Variants in KCNIP4 observed in about 807,000 individuals in gnomAD.
KCNIP4 encodes the protein potassium voltage-gated channel interacting protein 4.
Under a neutral mutation model 34.0 loss-of-function variants are expected in KCNIP4, and 12 were observed. The observed-to-expected ratio is 0.35, with a 90% CI of 0.23 to 0.57. KCNIP4 has a LOEUF of 0.57. Ranked by LOEUF, KCNIP4 falls within the 20% of genes least tolerant of loss-of-function variation. The probability of loss-of-function intolerance (pLI) is 0.83; values close to 1 mark genes in which losing one functional copy is unlikely to be tolerated. For missense variants in KCNIP4, 238 were observed against 311.7 expected, an observed-to-expected ratio of 0.76 and a Z score of 1.78; for synonymous variants, 124 against 102.2, an observed-to-expected ratio of 1.21 and a Z score of -1.29.
intron 1 of KCNIP4, among the ~76,000 whole-genome samples, chr4:20,973,977 C>T (rs77616695): frequency 0.035 from 5,314 of 152,020 alleles, 286 homozygotes; most frequent in African/African-American, 0.12. Context: ...ATAATAATAA[C>T]GAAAATGTTT....
intron 1 of KCNIP4, among the ~76,000 whole-genome samples, chr4:20,891,729 T>C (rs1343238314): frequency 1.3e-5 from 2 of 152,024 alleles, no homozygotes; most frequent in Admixed American, 6.6e-5. Flanking sequence ...GAATAGGGAG[T>C]ACATTTTTTT....
At chr4:20,952,446 T>C (rs1451606632) in intron 1 of KCNIP4, among the ~76,000 whole-genome samples, 1 of 152,200 alleles carries the variant, frequency 6.6e-6, no homozygotes, top group African/African-American at 2.4e-5. Flanking sequence ...ACCATACTTA[T>C]TCTTTCCCTC....
At position 21,066,918 on chromosome 4, in the gene KCNIP4, G is replaced by A. The variant is rs73802445; in HGVS notation, c.62-184209C>T. Reference sequence around the variant, plus strand: ...CATGTGACCTGGTGAGATACCAGCCGGGATGCATGAGGGATGCTTGCACCA... The same window carrying A: ...CATGTGACCTGGTGAGATACCAGCCAGGATGCATGAGGGATGCTTGCACCA... On this transcript the variant is annotated intron_variant, in intron 1 of 8. Coordinates refer to ENST00000382152, the MANE Select transcript of KCNIP4 (RefSeq NM_025221.6). Among the ~76,000 whole-genome samples the A allele has an allele frequency of 6.5e-3, 988 of 152,240 alleles. 6 individuals carry two copies. Among genetic ancestry groups the A allele is most frequent in the African/African-American group, 0.021 (875 of 41,558 alleles).
At chr4:21,811,968 G>A (rs1236747872) in intron 1 of KCNIP4, among the ~76,000 whole-genome samples, 1 of 152,166 alleles carries the variant, frequency 6.6e-6, no homozygotes, top group Non-Finnish European at 1.5e-5. Context: ...TGTTTGATGA[G>A]CTACACCAAT....
At chr4:21,091,512 G>A (rs946103394) in intron 1 of KCNIP4, among the ~76,000 whole-genome samples, 2 of 152,132 alleles carry the variant, frequency 1.3e-5, no homozygotes, top group African/African-American at 2.4e-5. Flanking sequence ...TCCCTTTACC[G>A]AGTGTTGTCA....
chr4:20,774,504 T>A (rs1305068048), intron 3 of KCNIP4, among the ~76,000 whole-genome samples: 1 of 151,980 alleles, frequency 6.6e-6, no homozygotes, highest in African/African-American at 2.4e-5. Context: ...TGTCAGAGAG[T>A]GTAAGAAGAA....
chr4:20,741,759 C>T (rs371622889), intron 5 of KCNIP4, among the ~76,000 whole-genome samples: 1 of 151,982 alleles, frequency 6.6e-6, no homozygotes, highest in Non-Finnish European at 1.5e-5. Flanking sequence ...AAAAACCCTT[C>T]AAAAAATCAA....
intron 1 of KCNIP4, among the ~76,000 whole-genome samples, chr4:21,651,871 A>ATG (rs1436482080): frequency 6.6e-6 from 1 of 152,150 alleles, no homozygotes; most frequent in Non-Finnish European, 1.5e-5. Context: ...ATATACATCT[A>ATG]TGTATATATA....
At position 20,940,109 on chromosome 4, in the gene KCNIP4, T is replaced by C. The variant is rs551732784; in HGVS notation, c.62-57400A>G. ...TCGCAATGATGTGCCTCTGGTTTTG[T>C]GGTGGTCTTCTCCACCTAGGATGCC... On this transcript the variant is annotated intron_variant, in intron 1 of 8. Coordinates refer to ENST00000382152, the MANE Select transcript of KCNIP4 (RefSeq NM_025221.6). 7.9e-5 allele frequency among the ~76,000 whole-genome samples: 12 copies of C among 152,304 alleles called. No individual in the cohort carries two copies. In the East Asian group the frequency reaches 2.3e-3, roughly 29 times the overall value.
intron 3 of KCNIP4, among the ~76,000 whole-genome samples, chr4:20,764,833 T>C (rs1045176283): frequency 1.3e-5 from 2 of 152,104 alleles, no homozygotes; most frequent in African/African-American, 4.8e-5. Flanking sequence ...TGCCTGTTTT[T>C]CACACAGACA....
intron 1 of KCNIP4, among the ~76,000 whole-genome samples, chr4:21,802,456 C>T (rs1721057184): frequency 6.6e-6 from 1 of 152,014 alleles, no homozygotes; most frequent in Admixed American, 6.6e-5. Context: ...GTTTGTGCCT[C>T]TAAGGTAATC....
At chr4:21,298,377 C>G (rs984808300) in intron 1 of KCNIP4, among the ~76,000 whole-genome samples, 4 of 152,114 alleles carry the variant, frequency 2.6e-5, no homozygotes, top group African/African-American at 4.8e-5. Flanking sequence ...CAAAATATTA[C>G]TCCAATATGG....
chr4:21,246,859 T>A (rs1175303033), intron 1 of KCNIP4, among the ~76,000 whole-genome samples: 1 of 152,232 alleles, frequency 6.6e-6, no homozygotes, highest in Non-Finnish European at 1.5e-5. Context: ...GTTAAAATTC[T>A]GTTCATAAGT....
intron 1 of KCNIP4, among the ~76,000 whole-genome samples, chr4:21,441,174 C>T (rs1301515903): frequency 6.7e-6 from 1 of 148,768 alleles, no homozygotes; most frequent in Non-Finnish European, 1.5e-5. Flanking sequence ...CGGAGTCTTG[C>T]TCTGTTGCCC....
At chr4:21,266,826 G>A (rs1051852427) in intron 1 of KCNIP4, among the ~76,000 whole-genome samples, 14 of 152,296 alleles carry the variant, frequency 9.2e-5, no homozygotes, top group African/African-American at 2.9e-4. Flanking sequence ...GGTTTTATAG[G>A]GGAGAGTGAT....
At chr4:20,835,847 A>C (rs1718976694) in intron 3 of KCNIP4, among the ~76,000 whole-genome samples, 1 of 152,014 alleles carries the variant, frequency 6.6e-6, no homozygotes, top group South Asian at 2.1e-4. Context: ...GAAAACTTGG[A>C]ATCATCTATA....
At chr4:21,210,009 G>A (rs571095131) in intron 1 of KCNIP4, among the ~76,000 whole-genome samples, 42 of 152,094 alleles carry the variant, frequency 2.8e-4, no homozygotes, top group Admixed American at 2.6e-3. Flanking sequence ...CCTGTCAAAC[G>A]GTTATTTAAA....
At chr4:21,145,429 ATT>A (rs774637301) in intron 1 of KCNIP4, among the ~76,000 whole-genome samples, 28 of 152,182 alleles carry the variant, frequency 1.8e-4, no homozygotes, top group Admixed American at 2.0e-4. Context: ...GGACATCTGT[ATT>A]TTTACAAGGC....
chr4:20,819,068 G>C (rs139891540), intron 3 of KCNIP4, among the ~76,000 whole-genome samples: 1 of 151,708 alleles, frequency 6.6e-6, no homozygotes, highest in African/African-American at 2.4e-5. Flanking sequence ...ATTTTTAGTA[G>C]AGACAGGGTT....
Sources: gnomAD v4.1 joint callset for allele counts (sites outside exome capture counted in the v4.1 genomes callset) on GRCh38, gnomAD v4.1.1 for gene constraint, MANE v1.5 for transcripts, NCBI Gene and HGNC (gene_info 2026-07-23, HGNC 2026-07-21) for gene names.